PPARA: variants seen among roughly 807,000 people sequenced by gnomAD.
The protein encoded by PPARA is peroxisome proliferator-activated receptor alpha.
In PPARA, 22 loss-of-function variants were observed where a neutral mutation model predicts 42.2. The ratio of observed to expected loss-of-function variants is 0.52; its 90% CI spans 0.37 to 0.74. The LOEUF (loss-of-function observed/expected upper bound fraction) is 0.74, where lower values mean the gene tolerates loss of function less well. Among genes scored for constraint, PPARA ranks in the 30% least tolerant of loss-of-function variants. The probability of loss-of-function intolerance (pLI) is 0.00; values close to 1 mark genes in which losing one functional copy is unlikely to be tolerated. For missense variants in PPARA, 465 were observed against 608.2 expected, an observed-to-expected ratio of 0.76 and a Z score of 2.48; for synonymous variants, 242 against 239.3, an observed-to-expected ratio of 1.01 and a Z score of -0.10.
chr22:46,207,644 T>TTAA (rs1933461509), intron 4 of PPARA, among the ~76,000 whole-genome samples: 1 of 91,740 alleles, frequency 1.1e-5, no homozygotes, highest in Non-Finnish European at 2.0e-5. Context: ...AATTAATTAA[T>TTAA]TTATTATTAT....
chr22:46,199,137 G>A (rs996464749), intron 4 of PPARA, among the ~76,000 whole-genome samples: 40 of 152,134 alleles, frequency 2.6e-4, no homozygotes, highest in Non-Finnish European at 2.9e-4. Context: ...CAGTCACGGG[G>A]AACAGCTAAA....
At position 46,180,459 on chromosome 22, in the gene PPARA, A is replaced by G. The variant is rs764134440; in HGVS notation, c.-43+3623A>G. ...TTTCCTTGTGTGAAACATTAATCTT[A>G]TCTAGCCTCCATGTATTTTGTAAGT... On this transcript the variant is annotated intron_variant, in intron 3 of 8. Transcript: ENST00000407236. This position sits in a 1 kb window ranked among gnomAD's most constrained non-coding sequence, Gnocchi z 4.2. Among the ~76,000 whole-genome samples, 14 of 152,204 alleles carry G rather than the reference A, an allele frequency of 9.2e-5. No homozygotes were observed. The highest frequency in any genetic ancestry group is 1.9e-4 in the Non-Finnish European group (13 of 68,040).
At position 46,204,851 on chromosome 22, in the gene PPARA, A is replaced by G. The variant is rs978170644; in HGVS notation, c.208+6260A>G. ...TGATAGTATCTTAAAAAAAAAAAAG[A>G]AAAAAGATTGTTTTGTTTGTTTTGT... is the stretch of plus-strand genomic sequence containing the variant. On this transcript the variant is annotated intron_variant, in intron 4 of 8. Transcript: ENST00000407236. This position sits in a 1 kb window ranked among gnomAD's most constrained non-coding sequence, Gnocchi z 5.2. Among the ~76,000 whole-genome samples, 3 of 146,684 alleles carry G rather than the reference A, an allele frequency of 2.0e-5. No individual in the cohort carries two copies. Among genetic ancestry groups the G allele is most frequent in the East Asian group, 1.9e-4 (1 of 5,188 alleles).
At chr22:46,178,487 G>C (rs897939817) in intron 3 of PPARA, among the ~76,000 whole-genome samples, 3 of 152,206 alleles carry the variant, frequency 2.0e-5, no homozygotes, top group Non-Finnish European at 4.4e-5. Flanking sequence ...AGGGAGAGGG[G>C]AAACTGAGGC....
At position 46,240,148 on chromosome 22, in the gene PPARA, G is replaced by C. The variant is rs1479232137; in HGVS notation, c.*4768G>C. On this transcript the variant is annotated 3_prime_UTR_variant, in exon 9 of 9. Transcript: ENST00000407236. This position sits in a 1 kb window ranked among gnomAD's most constrained non-coding sequence, Gnocchi z 6.0. ...CAACAGTGTGGCCTTTCAAAATGCA[G>C]ATGCCACCAGGAGAACATGCCCACA... 1 of 398,738 alleles carries C rather than the reference G, an allele frequency of 2.5e-6. No homozygotes were observed. The allele number at this position is 398,738 out of a possible 1,614,324, so 24.7% of individuals were successfully genotyped here.
At position 46,242,759 on chromosome 22, in the gene PPARA, AC is replaced by A. The variant is rs1936410654; in HGVS notation, c.*7380del. On this transcript the variant is annotated 3_prime_UTR_variant, in exon 9 of 9. Transcript: ENST00000407236. This position sits in a 1 kb window ranked among gnomAD's most constrained non-coding sequence, Gnocchi z 6.1. ...CACACACACACACACACACACACAC[AC>A]AGCTCTTCATTTCTCCTGAGCCATG... 6.7e-6 allele frequency: 1 copy of A among 150,302 alleles called. No individual in the cohort carries two copies. Among genetic ancestry groups the A allele is most frequent in the South Asian group, 2.1e-4 (1 of 4,758 alleles). The allele number at this position is 150,302 out of a possible 1,614,324, so 9.3% of individuals were successfully genotyped here.
intron 3 of PPARA, among the ~76,000 whole-genome samples, chr22:46,194,313 ATT>A (rs1931936282): frequency 6.6e-6 from 1 of 152,210 alleles, no homozygotes; most frequent in African/African-American, 2.4e-5. Flanking sequence ...GTTTCTGTAA[ATT>A]AATCCTGGTA....
rs2147369729 is a variant in PPARA at position 46,196,947 on chromosome 22, TCC to T, written c.-42-1394_-42-1393del. ...CATGTTGGTCAAGCTGCCCTCCAAC[TCC>T]TGACCTCGTGATCTGCCCACCTGGG... On this transcript the variant is annotated intron_variant, in intron 3 of 8. Coordinates refer to ENST00000407236, the MANE Select transcript of PPARA (RefSeq NM_005036.6). This position sits in a 1 kb window ranked among gnomAD's most constrained non-coding sequence, Gnocchi z 5.6. 6.6e-6 allele frequency among the ~76,000 whole-genome samples: 1 copy of T among 152,144 alleles called. No homozygotes were observed. Among genetic ancestry groups the T allele is most frequent in the Non-Finnish European group, 1.5e-5 (1 of 67,998 alleles).
Position 46,241,702 on chromosome 22 carries a change from T to G in PPARA, c.*6322T>G, listed in dbSNP as rs1035933725. The G allele has an allele frequency of 6.6e-6, 1 of 152,196 alleles. No individual in the cohort carries two copies. Among genetic ancestry groups the G allele is most frequent in the Non-Finnish European group, 1.5e-5 (1 of 68,040 alleles). The allele number at this position is 152,196 out of a possible 1,614,324, so 9.4% of individuals were successfully genotyped here. A position where few individuals can be genotyped will look rare whatever the true frequency, so the allele number is the denominator to read the frequency against. On this transcript the variant is annotated 3_prime_UTR_variant, in exon 9 of 9. Transcript: ENST00000407236. The surrounding 1 kb of genome is among the most constrained non-coding windows in gnomAD (Gnocchi z 5.7). ...ACATGAGAGGTATAATCAGTTACTT[T>G]TCTCCCCCCAGAGAAACCCTTTTGT... is the stretch of plus-strand genomic sequence containing the variant.
chr22:46,206,585 T>C (rs1391566881), intron 4 of PPARA, among the ~76,000 whole-genome samples: 1 of 152,216 alleles, frequency 6.6e-6, no homozygotes, highest in East Asian at 1.9e-4. Flanking sequence ...ATAAGAACTT[T>C]ATGACAGTAT....
chr22:46,240,513 G>A lies in PPARA; in HGVS notation c.*5133G>A, dbSNP rs953144083. On this transcript the variant is annotated 3_prime_UTR_variant, in exon 9 of 9. Transcript: ENST00000407236. This position sits in a 1 kb window ranked among gnomAD's most constrained non-coding sequence, Gnocchi z 6.0. ...ATGGTTGGCCTGATGCAGGGATCCC[G>A]AGGGATTACTTTTTAGACCTTCTTT... is the stretch of plus-strand genomic sequence containing the variant. 3 of 364,756 alleles carry A rather than the reference G, an allele frequency of 8.2e-6. No individual in the cohort carries two copies. Among genetic ancestry groups the A allele is most frequent in the Admixed American group, 4.6e-5 (1 of 21,658 alleles). The allele number at this position is 364,756 out of a possible 1,614,324, so 22.6% of individuals were successfully genotyped here.
At chr22:46,226,999 A>G (rs1230584761) in intron 7 of PPARA, among the ~76,000 whole-genome samples, 1 of 152,074 alleles carries the variant, frequency 6.6e-6, no homozygotes, top group Non-Finnish European at 1.5e-5. Context: ...GCCTGGGCAT[A>G]AGGGTGACCT....
rs2147527163 is a variant in PPARA, at chr22:46,213,685, G to A, written c.209-1488G>A. ...GCTCACTGCAAGCTCCGCCTCCTGG[G>A]TTCACGCCATTCTCCTGCCTCAGCC... On this transcript the variant is annotated intron_variant, in intron 4 of 8. Transcript: ENST00000407236. Among the ~76,000 whole-genome samples, 2 of 152,060 alleles carry A rather than the reference G, an allele frequency of 1.3e-5. 1 individual carries two copies. Among genetic ancestry groups the A allele is most frequent in the Middle Eastern group, 6.8e-3 (2 of 294 alleles).
intron 3 of PPARA, among the ~76,000 whole-genome samples, chr22:46,181,474 T>C (rs1376074703): frequency 6.6e-6 from 1 of 151,338 alleles, no homozygotes; most frequent in East Asian, 1.9e-4. Context: ...AAAGTGAGAG[T>C]GAGTGTGCAT....
At chr22:46,214,805 C>T (rs1934307078) in intron 4 of PPARA, among the ~76,000 whole-genome samples, 1 of 143,200 alleles carries the variant, frequency 7.0e-6, no homozygotes, top group African/African-American at 2.6e-5. Context: ...ATGCTCAGAT[C>T]GAAGATGTGG....
In PPARA at chr22:46,190,565, C is replaced by A. The variant is rs1931405069; in HGVS notation, c.-42-7777C>A. On this transcript the variant is annotated intron_variant, in intron 3 of 8. Transcript: ENST00000407236. The surrounding 1 kb of genome is among the most constrained non-coding windows in gnomAD (Gnocchi z 5.6). ...CCCAGGAGTTCGAGACCAGGCTGGG[C>A]AACATAGTGAAACCTATCTCTACAA... 6.6e-6 allele frequency among the ~76,000 whole-genome samples: 1 copy of A among 152,094 alleles called. No homozygotes were observed. Among genetic ancestry groups the A allele is most frequent in the South Asian group, 2.1e-4 (1 of 4,822 alleles).
intron 2 of PPARA, among the ~76,000 whole-genome samples, chr22:46,166,869 T>A (rs1291656193): frequency 6.6e-6 from 1 of 152,186 alleles, no homozygotes; most frequent in Non-Finnish European, 1.5e-5. Flanking sequence ...ACTTGTAGAA[T>A]TTGATAACCT....
chr22:46,201,711 A>G (rs915626880), intron 4 of PPARA, among the ~76,000 whole-genome samples: 1 of 152,152 alleles, frequency 6.6e-6, no homozygotes, highest in African/African-American at 2.4e-5. Flanking sequence ...GAAGGAGGAA[A>G]GGAGGCAGGT....
At chr22:46,159,746 C>G (rs577882393) in intron 2 of PPARA, among the ~76,000 whole-genome samples, 102 of 152,214 alleles carry the variant, frequency 6.7e-4, no homozygotes, top group Non-Finnish European at 7.9e-4. Context: ...AGAGGGCTAT[C>G]CTGGGAAGAA....
Sources: allele counts gnomAD v4.1 joint callset (sites outside exome capture counted in the v4.1 genomes callset), GRCh38; gene constraint gnomAD v4.1.1; non-coding constraint Gnocchi (gnomAD v3.1); transcripts MANE v1.5; gene names NCBI Gene and HGNC (gene_info 2026-07-23, HGNC 2026-07-21).